Variants in ELAVL2 observed in about 807,000 individuals in gnomAD.
The protein encoded by ELAVL2 is ELAV-like protein 2.
In ELAVL2, 4 loss-of-function variants were observed where a neutral mutation model predicts 34.6. The observed-to-expected ratio is 0.12, with a 90% CI of 0.06 to 0.26. The LOEUF is 0.26. ELAVL2 is among the 10% of genes least tolerant of loss of function. The pLI is 1.00. For missense variants in ELAVL2, 432 were observed against 442.8 expected, an observed-to-expected ratio of 0.98 and a Z score of 0.22; for synonymous variants, 193 against 154.8, an observed-to-expected ratio of 1.25 and a Z score of -1.83.
At chr9:23,695,628 T>C (rs1002238194) in intron 5 of ELAVL2, among the ~76,000 whole-genome samples, 3 of 152,168 alleles carry the variant, frequency 2.0e-5, no homozygotes, top group African/African-American at 7.2e-5. Context: ...CCTAGTTATA[T>C]GGTATGGGCT....
chr9:23,822,975 G>A (rs2065025151), intron 1 of ELAVL2, among the ~76,000 whole-genome samples: 1 of 152,208 alleles, frequency 6.6e-6, no homozygotes, highest in African/African-American at 2.4e-5. Context: ...GCGGGTGTGG[G>A]AGAGGCAAAT....
At chr9:23,795,517 T>C (rs2060813257) in intron 1 of ELAVL2, among the ~76,000 whole-genome samples, 1 of 152,088 alleles carries the variant, frequency 6.6e-6, no homozygotes, top group African/African-American at 2.4e-5. Flanking sequence ...CTGTCCAGCC[T>C]GAGCGAGACA....
At chr9:23,781,328 A>G (rs1017522505) in intron 1 of ELAVL2, among the ~76,000 whole-genome samples, 1 of 152,124 alleles carries the variant, frequency 6.6e-6, no homozygotes, top group African/African-American at 2.4e-5. Flanking sequence ...GAGAAATTCA[A>G]ATTAATGGTC....
chr9:23,698,405 C>T (rs2036006521), intron 5 of ELAVL2, among the ~76,000 whole-genome samples: 1 of 152,214 alleles, frequency 6.6e-6, no homozygotes, highest in South Asian at 2.1e-4. Flanking sequence ...CACAAACCCA[C>T]CTTTAAACTT....
chr9:23,692,824 G>A lies in ELAVL2; in HGVS notation c.813C>T (p.His271=). ...CAAATATACACCACCCTGTTCCAGG[G>A]TGCCCAGGGATATTAATTCCAGCCA... ...TSLAGINIPG[H]PGTGWCIFVY... is the part of the protein sequence containing the mutation. The change falls in exon 7 of 7, where the codon CAC becomes CAT. Residue 271 remains histidine, a synonymous_variant. Coordinates refer to ENST00000397312, the MANE Select transcript of ELAVL2 (RefSeq NM_004432.5). 6.2e-7 allele frequency: 1 copy of A among 1,614,156 alleles called. No homozygotes were observed. The highest frequency in any genetic ancestry group is 8.5e-7 in the Non-Finnish European group (1 of 1,179,998).
intron 1 of ELAVL2, among the ~76,000 whole-genome samples, chr9:23,809,854 A>G (rs2062745486): frequency 6.6e-6 from 1 of 152,186 alleles, no homozygotes; most frequent in Non-Finnish European, 1.5e-5. Context: ...GAGAAACAGT[A>G]AAGTTGGAGA....
chr9:23,718,161 C>T (rs770607918), intron 3 of ELAVL2, among the ~76,000 whole-genome samples: 4 of 152,172 alleles, frequency 2.6e-5, no homozygotes, highest in South Asian at 2.1e-4. Flanking sequence ...AAATCTTTAA[C>T]GTATTTTAAA....
chr9:23,722,684 T>C (rs1376725293), intron 3 of ELAVL2, among the ~76,000 whole-genome samples: 2 of 152,246 alleles, frequency 1.3e-5, no homozygotes, highest in South Asian at 2.1e-4. Flanking sequence ...TCAGCCAACA[T>C]GATACTACAT....
intron 1 of ELAVL2, among the ~76,000 whole-genome samples, chr9:23,772,210 CT>C (rs2057415514): frequency 1.3e-5 from 2 of 152,072 alleles, no homozygotes; most frequent in South Asian, 4.1e-4. Context: ...TTGTGAAAGG[CT>C]GATTGGAAAT....
intron 2 of ELAVL2, among the ~76,000 whole-genome samples, chr9:23,736,669 C>T (rs935282661): frequency 7.2e-5 from 11 of 152,202 alleles, no homozygotes; most frequent in African/African-American, 2.7e-4. Context: ...AAATCGGCCC[C>T]TTGTCTGCGT....
At chr9:23,775,408 T>C (rs1029102755) in intron 1 of ELAVL2, among the ~76,000 whole-genome samples, 3 of 152,170 alleles carry the variant, frequency 2.0e-5, no homozygotes, top group African/African-American at 7.2e-5. Flanking sequence ...TATTACATTC[T>C]CTTCAATTTA....
At chr9:23,797,650 G>T (rs987134468) in intron 1 of ELAVL2, among the ~76,000 whole-genome samples, 1 of 152,228 alleles carries the variant, frequency 6.6e-6, no homozygotes, top group Non-Finnish European at 1.5e-5. Context: ...TATGGGATGC[G>T]GGCGTGGTGG....
intron 1 of ELAVL2, among the ~76,000 whole-genome samples, chr9:23,798,348 C>T (rs188003775): frequency 4.7e-4 from 71 of 152,262 alleles, no homozygotes; most frequent in Non-Finnish European, 7.1e-4. Flanking sequence ...AGCCAGACTG[C>T]GTGAGTTCTA....
intron 5 of ELAVL2, among the ~76,000 whole-genome samples, chr9:23,694,200 A>C (rs970666163): frequency 6.6e-6 from 1 of 150,674 alleles, no homozygotes; most frequent in Non-Finnish European, 1.5e-5. Flanking sequence ...CGCTACAGGA[A>C]GTGTCGTCCT....
At chr9:23,840,753 G>C in the ELAVL2 span, among the ~76,000 whole-genome samples, 1 of 152,082 alleles carries the variant, frequency 6.6e-6, no homozygotes, top group African/African-American at 2.4e-5. Context: ...TTTAGTGTTT[G>C]TTATGTTTGT....
intron 2 of ELAVL2, among the ~76,000 whole-genome samples, chr9:23,737,505 T>C (rs2048176458): frequency 6.6e-6 from 1 of 152,234 alleles, no homozygotes; most frequent in African/African-American, 2.4e-5. Context: ...TTTACATAAA[T>C]CTGTTCCACA....
At chr9:23,794,343 C>T (rs2060659726) in intron 1 of ELAVL2, among the ~76,000 whole-genome samples, 1 of 152,142 alleles carries the variant, frequency 6.6e-6, no homozygotes, top group Admixed American at 6.5e-5. Flanking sequence ...CCATCAGCTT[C>T]CCCTAAAGAG....
At chr9:23,841,156 T>C in the ELAVL2 span, among the ~76,000 whole-genome samples, 23 of 152,052 alleles carry the variant, frequency 1.5e-4, no homozygotes, top group Non-Finnish European at 3.2e-4. Context: ...GTATTAGCAA[T>C]GTCAGTAGAG....
intron 1 of ELAVL2, among the ~76,000 whole-genome samples, chr9:23,792,186 T>C (rs1029997021): frequency 6.6e-6 from 1 of 152,214 alleles, no homozygotes; most frequent in Non-Finnish European, 1.5e-5. Flanking sequence ...TGCCCAATTA[T>C]AGGCTAATGC....
Sources: gnomAD v4.1 joint callset for allele counts (sites outside exome capture counted in the v4.1 genomes callset) on GRCh38, gnomAD v4.1.1 for gene constraint, MANE v1.5 for transcripts, NCBI Gene and HGNC (gene_info 2026-07-23, HGNC 2026-07-21) for gene names.